AK5: variants seen among roughly 807,000 people sequenced by gnomAD.
AK5 encodes adenylate kinase isoenzyme 5.
A neutral mutation model predicts 69.5 loss-of-function variants in AK5; 27 were observed. That is an observed-to-expected ratio of 0.39 (90% CI 0.29 to 0.54). AK5 has a LOEUF of 0.54. AK5 is among the 20% of genes least tolerant of loss of function. AK5 has a pLI of 0.71. For synonymous variants in AK5, 260 were observed against 244.4 expected (o/e 1.06, Z -0.60); for missense variants, 531 against 700.4 (o/e 0.76, Z 2.73).
At chr1:77,293,094 A>C (rs994570183) in intron 2 of AK5, among the ~76,000 whole-genome samples, 4 of 152,192 alleles carry the variant, frequency 2.6e-5, no homozygotes, top group African/African-American at 9.7e-5. Context: ...AAGTAGATTA[A>C]AAATAATAAG....
At chr1:77,396,685 AC>A (rs1648853822) in intron 6 of AK5, among the ~76,000 whole-genome samples, 1 of 152,238 alleles carries the variant, frequency 6.6e-6, no homozygotes, top group African/African-American at 2.4e-5. Context: ...ATAACTAGGA[AC>A]ATAGGATTTG....
At chr1:77,298,931 C>T (rs1014488396) in intron 5 of AK5, among the ~76,000 whole-genome samples, 10 of 152,240 alleles carry the variant, frequency 6.6e-5, no homozygotes, top group South Asian at 2.1e-4. Flanking sequence ...CCTCCCATTC[C>T]GCTGCTCCTC....
chr1:77,466,898 T>C (rs1439808766), intron 8 of AK5, among the ~76,000 whole-genome samples: 1 of 152,184 alleles, frequency 6.6e-6, no homozygotes, highest in Non-Finnish European at 1.5e-5. Flanking sequence ...ATAGCAACCA[T>C]AGCACCCAGG....
intron 8 of AK5, among the ~76,000 whole-genome samples, chr1:77,457,826 CA>C (rs1218419909): frequency 1.3e-5 from 2 of 152,122 alleles, no homozygotes; most frequent in Non-Finnish European, 2.9e-5. Flanking sequence ...GGCTTTAGTC[CA>C]GCATATTTAG....
intron 7 of AK5, among the ~76,000 whole-genome samples, chr1:77,416,619 A>G (rs1650445699): frequency 6.6e-6 from 1 of 152,188 alleles, no homozygotes; most frequent in Admixed American, 6.5e-5. Flanking sequence ...AAGGGGGAAA[A>G]AAGAGAAGAG....
intron 10 of AK5, among the ~76,000 whole-genome samples, chr1:77,497,471 A>G (rs1656411079): frequency 6.6e-6 from 1 of 152,260 alleles, no homozygotes; most frequent in Non-Finnish European, 1.5e-5. Flanking sequence ...CCGTGGCTTC[A>G]TTCTTGAAGT....
chr1:77,308,821 T>TGATACCAAACTCTC (rs1557483554), intron 5 of AK5, among the ~76,000 whole-genome samples: 4 of 151,232 alleles, frequency 2.6e-5, no homozygotes, highest in African/African-American at 9.8e-5. Context: ...ATACAAAAAT[T>TGATACCAAACTCTC]AGCTGGGTGT....
chr1:77,458,542 G>A (rs899396964), intron 8 of AK5, among the ~76,000 whole-genome samples: 1 of 152,188 alleles, frequency 6.6e-6, no homozygotes, highest in Non-Finnish European at 1.5e-5. Context: ...CCACATTACT[G>A]GGGAAACTTC....
At chr1:77,368,285 A>ATATATATGT (rs1354062763) in intron 6 of AK5, among the ~76,000 whole-genome samples, 25 of 81,550 alleles carry the variant, frequency 3.1e-4, no homozygotes, top group East Asian at 1.1e-3. Flanking sequence ...TATATATGTT[A>ATATATATGT]TATATATGTT....
At chr1:77,505,527 A>G (rs1228912166) in intron 10 of AK5, among the ~76,000 whole-genome samples, 2 of 152,176 alleles carry the variant, frequency 1.3e-5, no homozygotes, top group Admixed American at 1.3e-4. Flanking sequence ...CTAAATCTTC[A>G]GTAAGGAGCA....
chr1:77,307,374 T>C (rs920582568), intron 5 of AK5, among the ~76,000 whole-genome samples: 1 of 151,538 alleles, frequency 6.6e-6, no homozygotes, highest in East Asian at 1.9e-4. Flanking sequence ...ATCAAGAAAT[T>C]ATATTTGTAT....
intron 8 of AK5, among the ~76,000 whole-genome samples, chr1:77,429,738 C>T (rs1284219561): frequency 3.3e-5 from 5 of 152,236 alleles, no homozygotes; most frequent in South Asian, 2.1e-4. Flanking sequence ...GGATTACAGG[C>T]GTGAGCCACT....
chr1:77,410,836 T>C, intron 6 of AK5, 145 bp from the exon 7 acceptor site: 1 of 633,784 alleles, frequency 1.6e-6, no homozygotes, highest in South Asian at 2.0e-5. Context: ...ACCCTCTAAA[T>C]GTCTGATTAA....
At chr1:77,403,699 G>T (rs930945047) in intron 6 of AK5, among the ~76,000 whole-genome samples, 1 of 152,338 alleles carries the variant, frequency 6.6e-6, no homozygotes, top group African/African-American at 2.4e-5. Context: ...GGTGACTGTA[G>T]CCTTGTAGTA....
chr1:77,550,926 C>T (rs1659792033), intron 13 of AK5, among the ~76,000 whole-genome samples: 1 of 152,146 alleles, frequency 6.6e-6, no homozygotes, highest in African/African-American at 2.4e-5. Flanking sequence ...CCTGTAATTC[C>T]AGCACTTTGG....
chr1:77,482,553 A>T (rs1046735122), intron 8 of AK5, among the ~76,000 whole-genome samples: 4 of 152,122 alleles, frequency 2.6e-5, no homozygotes, highest in Non-Finnish European at 4.4e-5. Context: ...TAGGCAGATC[A>T]CTTGAGGTCA....
chr1:77,316,863 C>T (rs1660270455), intron 5 of AK5, among the ~76,000 whole-genome samples: 1 of 152,050 alleles, frequency 6.6e-6, no homozygotes, highest in Non-Finnish European at 1.5e-5. Flanking sequence ...TTTATAATTG[C>T]CTTATGCCAA....
At chr1:77,351,881 C>A (rs1305046347) in intron 6 of AK5, among the ~76,000 whole-genome samples, 1 of 151,186 alleles carries the variant, frequency 6.6e-6, no homozygotes, top group Non-Finnish European at 1.5e-5. Flanking sequence ...AAAAATAATC[C>A]TTTTTTCTGT....
At chr1:77,504,566 T>C (rs2100271737) in intron 10 of AK5, among the ~76,000 whole-genome samples, 1 of 152,296 alleles carries the variant, frequency 6.6e-6, no homozygotes, top group East Asian at 1.9e-4. Flanking sequence ...ATGTCATTTT[T>C]TAAAGTTCTT....
Sources: allele counts gnomAD v4.1 joint callset (sites outside exome capture counted in the v4.1 genomes callset), GRCh38; gene constraint gnomAD v4.1.1; transcripts MANE v1.5; gene names NCBI Gene and HGNC (gene_info 2026-07-23, HGNC 2026-07-21).